The following SAMMSON variants were observed in gnomAD, a reference collection of about 807,000 sequenced individuals.
SAMMSON encodes the protein long intergenic non-protein coding RNA 1212.
At chr3:70,291,677 C>G (rs910933782) in intron 7 of SAMMSON, among the ~76,000 whole-genome samples, 1 of 152,190 alleles carries the variant, frequency 6.6e-6, no homozygotes, top group African/African-American at 2.4e-5. Context: ...CTAGCTTTTT[C>G]CCACTCAGAA....
chr3:70,179,768 A>G (rs1025446376), intron 4 of SAMMSON, among the ~76,000 whole-genome samples: 1 of 152,046 alleles, frequency 6.6e-6, no homozygotes, highest in Admixed American at 6.5e-5. Flanking sequence ...CCTCTGTTCT[A>G]TATCTGAATG....
intron 1 of SAMMSON, among the ~76,000 whole-genome samples, chr3:70,007,827 G>A (rs1200065041): frequency 4.6e-5 from 7 of 152,066 alleles, no homozygotes; most frequent in Non-Finnish European, 8.8e-5. Flanking sequence ...TTTTGTATAA[G>A]GTGTAAGGAA....
At chr3:70,040,172 C>G (rs1003883364) in intron 3 of SAMMSON, among the ~76,000 whole-genome samples, 2 of 152,036 alleles carry the variant, frequency 1.3e-5, no homozygotes, top group Admixed American at 6.6e-5. Flanking sequence ...ATTATAATAA[C>G]CACCTGAAAG....
intron 4 of SAMMSON, among the ~76,000 whole-genome samples, chr3:70,096,254 G>C (rs1365067227): frequency 6.6e-6 from 1 of 152,158 alleles, no homozygotes; most frequent in East Asian, 1.9e-4. Context: ...TAGCAAGTTA[G>C]ACAGTCTTGG....
At chr3:70,427,811 A>C (rs1701383855) in intron 2 of SAMMSON, among the ~76,000 whole-genome samples, 1 of 152,052 alleles carries the variant, frequency 6.6e-6, no homozygotes, top group African/African-American at 2.4e-5. Context: ...CATTGGAAAT[A>C]GTTGCGGAGT....
At chr3:70,138,950 T>C (rs1178104393) in intron 4 of SAMMSON, among the ~76,000 whole-genome samples, 2 of 152,176 alleles carry the variant, frequency 1.3e-5, no homozygotes, top group Admixed American at 6.5e-5. Context: ...GGTGCAATCA[T>C]AGCTCACTGT....
At chr3:70,408,143 C>T (rs1381641134) in intron 2 of SAMMSON, among the ~76,000 whole-genome samples, 1 of 152,200 alleles carries the variant, frequency 6.6e-6, no homozygotes. Context: ...GCACACAGCA[C>T]AGGGACCCTG....
chr3:70,369,548 T>G (rs2106745042), intron 9 of SAMMSON, among the ~76,000 whole-genome samples: 1 of 151,334 alleles, frequency 6.6e-6, no homozygotes, highest in East Asian at 1.9e-4. Flanking sequence ...TTGCACTACC[T>G]AGGACTTCAT....
intron 7 of SAMMSON, among the ~76,000 whole-genome samples, chr3:70,299,652 A>T (rs555198427): frequency 6.6e-6 from 1 of 152,076 alleles, no homozygotes; most frequent in Non-Finnish European, 1.5e-5. Context: ...TTCGGAATTC[A>T]TGCCTTCTCA....
At chr3:70,360,102 T>C (rs1486295894) in intron 9 of SAMMSON, among the ~76,000 whole-genome samples, 2 of 152,092 alleles carry the variant, frequency 1.3e-5, no homozygotes, top group Non-Finnish European at 2.9e-5. Context: ...TTTTATGTCA[T>C]TGTCTATGTA....
At chr3:70,285,928 G>C (rs1032086726) in intron 6 of SAMMSON, among the ~76,000 whole-genome samples, 2 of 150,916 alleles carry the variant, frequency 1.3e-5, no homozygotes, top group Non-Finnish European at 3.0e-5. Flanking sequence ...TTGTAAATTT[G>C]TTTGAGTTCA....
chr3:70,314,839 GA>G (rs1222475486), intron 7 of SAMMSON, among the ~76,000 whole-genome samples: 5 of 152,084 alleles, frequency 3.3e-5, no homozygotes, highest in African/African-American at 1.2e-4. Context: ...ACAAACCTGA[GA>G]TGCTTCCAGG....
intron 4 of SAMMSON, among the ~76,000 whole-genome samples, chr3:70,108,582 A>G (rs1165755065): frequency 6.6e-6 from 1 of 151,768 alleles, no homozygotes; most frequent in African/African-American, 2.4e-5. Context: ...TGAAACTCCA[A>G]TGTAATGAGA....
intron 4 of SAMMSON, among the ~76,000 whole-genome samples, chr3:70,243,624 G>T (rs1289346386): frequency 6.6e-6 from 1 of 152,084 alleles, no homozygotes; most frequent in Non-Finnish European, 1.5e-5. Flanking sequence ...TTCTGGGTTG[G>T]GTGGCAGCGT....
chr3:70,101,784 A>C (rs1283175118), intron 4 of SAMMSON, among the ~76,000 whole-genome samples: 1 of 152,178 alleles, frequency 6.6e-6, no homozygotes, highest in Non-Finnish European at 1.5e-5. Flanking sequence ...CAGACCAAAA[A>C]GGTTAAGTGG....
At chr3:70,345,419 C>T (rs191588448) in intron 7 of SAMMSON, among the ~76,000 whole-genome samples, 1 of 152,324 alleles carries the variant, frequency 6.6e-6, no homozygotes, top group East Asian at 1.9e-4. Flanking sequence ...AGTGAGACTG[C>T]TTCATACATT....
rs537317418 is a variant in SAMMSON at position 70,062,058 on chromosome 3, A to T, written n.418-9418A>T. 8.4e-4 allele frequency among the ~76,000 whole-genome samples: 128 copies of T among 152,222 alleles called. 1 individual carries two copies. The highest frequency in any genetic ancestry group is 6.2e-3 in the South Asian group (30 of 4,826). ...TACAGGCAAACCCTCCACAGTGATC[A>T]TCCAGCAGCCAAGTGCGTTGGTTTT... is the stretch of plus-strand genomic sequence containing the variant. On this transcript the variant is annotated intron_variant and non_coding_transcript_variant, in intron 3 of 9. Coordinates refer to ENST00000642114, the Ensembl canonical transcript of SAMMSON.
At chr3:70,389,086 C>T (rs1430533289) in intron 9 of SAMMSON, among the ~76,000 whole-genome samples, 2 of 152,100 alleles carry the variant, frequency 1.3e-5, no homozygotes, top group African/African-American at 4.8e-5. Context: ...CCTCTTTGCA[C>T]ATACCCATTC....
At chr3:70,367,188 A>T (rs1194265542) in intron 9 of SAMMSON, among the ~76,000 whole-genome samples, 3 of 151,686 alleles carry the variant, frequency 2.0e-5, no homozygotes, top group African/African-American at 7.2e-5. Context: ...CTTTTCTTCC[A>T]ACTACTTTGA....
Sources: allele counts gnomAD v4.1 joint callset (sites outside exome capture counted in the v4.1 genomes callset), GRCh38; gene constraint gnomAD v4.1.1; transcripts MANE v1.5; gene names NCBI Gene and HGNC (gene_info 2026-07-23, HGNC 2026-07-21).